Variants in KCNK12 observed in about 807,000 individuals in gnomAD.
The protein encoded by KCNK12 is potassium channel subfamily K member 12.
KCNK12 carries 6 observed loss-of-function variants against 25.3 expected under a neutral mutation model. The ratio of observed to expected loss-of-function variants is 0.24; its 90% CI spans 0.13 to 0.47. The LOEUF (loss-of-function observed/expected upper bound fraction) is 0.47. Among genes scored for constraint, KCNK12 ranks in the 20% least tolerant of loss-of-function variants. The pLI is 0.99. For synonymous variants in KCNK12, 331 were observed against 311.1 expected (o/e 1.06, Z -0.67); for missense variants, 444 against 661.7 (o/e 0.67, Z 3.61).
chr2:47,522,894 A>T (rs772020256), intron 1 of KCNK12, among the ~76,000 whole-genome samples: 2 of 151,814 alleles, frequency 1.3e-5, no homozygotes, highest in Non-Finnish European at 2.9e-5. Flanking sequence ...TATGTGCCCA[A>T]TTTTTTTTCC....
intron 1 of KCNK12, among the ~76,000 whole-genome samples, chr2:47,536,277 C>A (rs1333153153): frequency 6.6e-6 from 1 of 152,238 alleles, no homozygotes; most frequent in Non-Finnish European, 1.5e-5. Flanking sequence ...AGGCATTTAA[C>A]TGTGTGCTGT....
At chr2:47,534,326 C>G (rs1669003354) in intron 1 of KCNK12, among the ~76,000 whole-genome samples, 1 of 152,034 alleles carries the variant, frequency 6.6e-6, no homozygotes, top group African/African-American at 2.4e-5. Context: ...TTAACCACTC[C>G]TGCCTCCGGG....
chr2:47,536,635 C>T (rs1291148806), intron 1 of KCNK12, among the ~76,000 whole-genome samples: 1 of 152,188 alleles, frequency 6.6e-6, no homozygotes. Context: ...CACAATTGAG[C>T]TTACTGGCTC....
At position 47,519,704 on chromosome 2, in the gene KCNK12, C is replaced by T. The variant is rs564830337; in HGVS notation, c.*1203G>A. Reference sequence around the variant, plus strand: ...CCTCCCTCCTGCCTTCCTCTGCCTCCAATAGGCTGTGCATGGAGAAGACAA... The same window carrying T: ...CCTCCCTCCTGCCTTCCTCTGCCTCTAATAGGCTGTGCATGGAGAAGACAA... On this transcript the variant is annotated 3_prime_UTR_variant, in exon 2 of 2. Transcript: ENST00000327876. 1 of 152,400 alleles carries T rather than the reference C, an allele frequency of 6.6e-6. No individual in the cohort carries two copies. The highest frequency in any genetic ancestry group is 1.9e-4 in the East Asian group (1 of 5,190). 9.4% of individuals were successfully genotyped at this position (152,400 alleles called of 1,614,324 possible). A position where few individuals can be genotyped will look rare whatever the true frequency, so the allele number is the denominator to read the frequency against.
chr2:47,522,493 T>G (rs575489075), intron 1 of KCNK12, among the ~76,000 whole-genome samples: 1 of 152,326 alleles, frequency 6.6e-6, no homozygotes, highest in Admixed American at 6.5e-5. Flanking sequence ...TATTTTCTTT[T>G]TTGGGGGGAT....
intron 1 of KCNK12, among the ~76,000 whole-genome samples, chr2:47,568,369 T>C (rs1465787326): frequency 6.6e-6 from 1 of 152,146 alleles, no homozygotes; most frequent in African/African-American, 2.4e-5. Context: ...GGATTTTTTT[T>C]GAGGGGGTCA....
chr2:47,526,566 A>G (rs1466020131), intron 1 of KCNK12, among the ~76,000 whole-genome samples: 1 of 151,950 alleles, frequency 6.6e-6, no homozygotes, highest in Non-Finnish European at 1.5e-5. Context: ...AACTCCGTTT[A>G]TACTAAAAAT....
rs967394005 is a variant in KCNK12 at position 47,523,168 on chromosome 2, A to G, written c.392-1360T>C. 3.3e-5 allele frequency among the ~76,000 whole-genome samples: 5 copies of G among 152,360 alleles called. No homozygotes were observed. The East Asian group carries it at 9.6e-4, about 29-fold the overall frequency. ...GACAGCCTTGTTAGGGAAGCATTCC[A>G]TAGGGCTTTGCCTTAATTGGGATTG... On this transcript the variant is annotated intron_variant, in intron 1 of 1. Coordinates refer to ENST00000327876, the MANE Select transcript of KCNK12 (RefSeq NM_022055.2).
intron 1 of KCNK12, among the ~76,000 whole-genome samples, chr2:47,532,249 G>C (rs1448033552): frequency 6.6e-6 from 1 of 151,598 alleles, no homozygotes; most frequent in Non-Finnish European, 1.5e-5. Flanking sequence ...ACCCTGGGGA[G>C]CACTGCAGTA....
chr2:47,520,118 G>C lies in KCNK12; in HGVS notation c.*789C>G, dbSNP rs1173460078. The C allele has an allele frequency of 6.6e-6, 1 of 152,174 alleles. No individual in the cohort carries two copies. The highest frequency in any genetic ancestry group is 1.5e-5 in the Non-Finnish European group (1 of 68,038). 9.4% of individuals were successfully genotyped at this position (152,174 alleles called of 1,614,324 possible). A position where few individuals can be genotyped will look rare whatever the true frequency, so the allele number is the denominator to read the frequency against. ...ACGGTTGGGGGATTCAAGATCTGCC[G>C]ATCCGAGCCTGGAGATCAGCCAGCT... On this transcript the variant is annotated 3_prime_UTR_variant, in exon 2 of 2. Coordinates refer to ENST00000327876, the MANE Select transcript of KCNK12 (RefSeq NM_022055.2). This position sits in a 1 kb window ranked among gnomAD's most constrained non-coding sequence, Gnocchi z 5.0.
In KCNK12 at chr2:47,555,999, A is replaced by T. The variant is rs1669543080; in HGVS notation, c.391+13942T>A. ...GAAGGGGGCCACTAGGGACCTTACA[A>T]TAACGTAGTCACTGGAAAGGTGGGG... On this transcript the variant is annotated intron_variant, in intron 1 of 1. Coordinates refer to ENST00000327876, the MANE Select transcript of KCNK12 (RefSeq NM_022055.2). This position sits in a 1 kb window ranked among gnomAD's most constrained non-coding sequence, Gnocchi z 4.5. 6.6e-6 allele frequency: 1 copy of T among 152,268 alleles called. No homozygotes were observed. Among genetic ancestry groups the T allele is most frequent in the Non-Finnish European group, 1.5e-5 (1 of 68,062 alleles). The allele number at this position is 152,268 out of a possible 1,614,324, so 9.4% of individuals were successfully genotyped here.
chr2:47,527,900 A>G (rs1432585461), intron 1 of KCNK12: 1 of 152,304 alleles, frequency 6.6e-6, no homozygotes, highest in Non-Finnish European at 1.5e-5. Context: ...AATATGGTGG[A>G]AAACCAGACA....
rs984138543 is a variant in KCNK12, at chr2:47,513,514, A to G, written c.*7393T>C. 6.6e-6 allele frequency among the ~76,000 whole-genome samples: 1 copy of G among 152,022 alleles called. No individual in the cohort carries two copies. The highest frequency in any genetic ancestry group is 2.4e-5 in the African/African-American group (1 of 41,368). ...TGATCCTCTTTTTATCTCATTCTAC[A>G]CACTCACAGCCTGAGTAATTCACAC... On this transcript the variant is annotated 3_prime_UTR_variant, in exon 2 of 2. Transcript: ENST00000327876.
At chr2:47,535,899 A>G (rs1282550970) in intron 1 of KCNK12, among the ~76,000 whole-genome samples, 1 of 152,172 alleles carries the variant, frequency 6.6e-6, no homozygotes, top group Non-Finnish European at 1.5e-5. Flanking sequence ...ATGGAAGCTG[A>G]GGTTCAGAGA....
intron 1 of KCNK12, among the ~76,000 whole-genome samples, chr2:47,522,146 G>A (rs891992996): frequency 5.3e-5 from 8 of 152,142 alleles, no homozygotes; most frequent in African/African-American, 1.9e-4. Flanking sequence ...AAACCACTGA[G>A]CTACCCACAA....
chr2:47,560,952 C>T lies in KCNK12; in HGVS notation c.391+8989G>A, dbSNP rs1235933315. The stretch of plus-strand genomic sequence containing the variant: ...GGGGTCCCGGTGCTTCCTCCACCCA[C>T]CAGGGAGTCATGGTAGCCCTGGGGT... On this transcript the variant is annotated intron_variant, in intron 1 of 1. Coordinates refer to ENST00000327876, the MANE Select transcript of KCNK12 (RefSeq NM_022055.2). The surrounding 1 kb of genome is among the most constrained non-coding windows in gnomAD (Gnocchi z 4.7). Among the ~76,000 whole-genome samples the T allele has an allele frequency of 6.6e-6, 1 of 152,190 alleles. No individual in the cohort carries two copies. The highest frequency in any genetic ancestry group is 1.5e-5 in the Non-Finnish European group (1 of 68,028).
intron 1 of KCNK12, among the ~76,000 whole-genome samples, chr2:47,552,618 A>T (rs1669461767): frequency 1.3e-5 from 2 of 152,180 alleles, no homozygotes; most frequent in African/African-American, 4.8e-5. Flanking sequence ...AAATACAAAA[A>T]TTAGCTGGGC....
intron 1 of KCNK12, among the ~76,000 whole-genome samples, chr2:47,526,882 A>G (rs1411180057): frequency 6.6e-6 from 1 of 152,214 alleles, no homozygotes; most frequent in Non-Finnish European, 1.5e-5. Context: ...CATTTAATAA[A>G]CTGGTTCCAC....
chr2:47,527,310 C>T (rs1208039264), intron 1 of KCNK12, among the ~76,000 whole-genome samples: 1 of 152,216 alleles, frequency 6.6e-6, no homozygotes, highest in East Asian at 1.9e-4. Context: ...TTGCTGTCCC[C>T]TTCACAGGGG....
Sources: gnomAD v4.1 joint callset for allele counts (sites outside exome capture counted in the v4.1 genomes callset) on GRCh38, gnomAD v4.1.1 for gene constraint, Gnocchi (gnomAD v3.1) non-coding constraint, MANE v1.5 for transcripts, NCBI Gene and HGNC (gene_info 2026-07-23, HGNC 2026-07-21) for gene names.